The following PRKCB variants were observed in gnomAD, a reference collection of about 807,000 sequenced individuals.
PRKCB encodes protein kinase C beta.
PRKCB carries 13 observed loss-of-function variants against 81.5 expected under a neutral mutation model. That is an observed-to-expected ratio of 0.16 (90% confidence interval 0.10 to 0.25). The LOEUF (loss-of-function observed/expected upper bound fraction) is 0.25, where lower values mean the gene tolerates loss of function less well. Among genes scored for constraint, PRKCB ranks in the 10% least tolerant of loss-of-function variants. The pLI, the probability that PRKCB is intolerant of heterozygous loss-of-function variation, is 1.00. For synonymous variants in PRKCB, 335 were observed against 321.4 expected, an observed-to-expected ratio of 1.04 and a Z score of -0.45; for missense variants, 509 against 875.7, an observed-to-expected ratio of 0.58 and a Z score of 5.29.
chr16:23,880,826 GTC>G (rs1313093467), intron 2 of PRKCB, among the ~76,000 whole-genome samples: 1 of 151,954 alleles, frequency 6.6e-6, no homozygotes, highest in Non-Finnish European at 1.5e-5. Flanking sequence ...ATCTACCCAT[GTC>G]TCTCTGTCTC....
chr16:23,900,579 T>G (rs957845504), intron 2 of PRKCB, among the ~76,000 whole-genome samples: 1 of 151,328 alleles, frequency 6.6e-6, no homozygotes, highest in Non-Finnish European at 1.5e-5. Context: ...ATTCCGCATA[T>G]GAACCTTATA....
At chr16:23,948,291 C>A (rs1420020516) in intron 2 of PRKCB, among the ~76,000 whole-genome samples, 1 of 152,178 alleles carries the variant, frequency 6.6e-6, no homozygotes, top group Non-Finnish European at 1.5e-5. Flanking sequence ...TAATTGGATT[C>A]TCAGGGCCTC....
chr16:23,986,044 C>T (rs951094274), intron 2 of PRKCB, among the ~76,000 whole-genome samples: 2 of 152,108 alleles, frequency 1.3e-5, no homozygotes, highest in African/African-American at 4.8e-5. Context: ...TCCCATTTCA[C>T]ATCAGATTCC....
At chr16:24,026,440 A>G (rs1197679181) in intron 3 of PRKCB, among the ~76,000 whole-genome samples, 1 of 152,230 alleles carries the variant, frequency 6.6e-6, no homozygotes, top group African/African-American at 2.4e-5. Context: ...GAAATGCTTG[A>G]ATCCTTGTCT....
At chr16:24,101,530 C>A (rs974711028) in intron 7 of PRKCB, among the ~76,000 whole-genome samples, 2 of 152,176 alleles carry the variant, frequency 1.3e-5, no homozygotes, top group Admixed American at 6.5e-5. Flanking sequence ...TGGAGAAAGA[C>A]CCTGTCTCAA....
At chr16:24,051,542 C>T (rs1965842142) in intron 5 of PRKCB, among the ~76,000 whole-genome samples, 1 of 151,948 alleles carries the variant, frequency 6.6e-6, no homozygotes, top group Non-Finnish European at 1.5e-5. Context: ...ACAGTTTCTC[C>T]AGGGTCAGCA....
intron 2 of PRKCB, among the ~76,000 whole-genome samples, chr16:23,863,066 CAT>C (rs201723507): frequency 0.015 from 2,193 of 147,790 alleles, 45 homozygotes; most frequent in African/African-American, 0.052. Flanking sequence ...TTTTTAAAAT[CAT>C]ATATATATGA....
At chr16:24,038,446 A>G (rs1342650721) in intron 5 of PRKCB, among the ~76,000 whole-genome samples, 1 of 152,266 alleles carries the variant, frequency 6.6e-6, no homozygotes, top group African/African-American at 2.4e-5. Flanking sequence ...GGGAAAGGGC[A>G]CGTTGTTGCC....
chr16:24,050,336 T>A (rs1244376331), intron 5 of PRKCB, among the ~76,000 whole-genome samples: 1 of 152,190 alleles, frequency 6.6e-6, no homozygotes, highest in Non-Finnish European at 1.5e-5. Context: ...AGTAGCTTCC[T>A]TATAAAGCAG....
Position 24,077,493 on chromosome 16 carries a change from C to T in PRKCB, c.530-15298C>T, listed in dbSNP as rs1054284817. On this transcript the variant is annotated intron_variant, in intron 5 of 16. Coordinates refer to ENST00000643927, the MANE Select transcript of PRKCB (RefSeq NM_002738.7). ...TCCACACATGCATTCATCTCTCCAT[C>T]CATCCATCCATCCATCCATCCATCC... Among the ~76,000 whole-genome samples, 62 of 151,696 alleles carry T rather than the reference C, an allele frequency of 4.1e-4. No individual in the cohort carries two copies. In the Middle Eastern group the frequency reaches 0.014, roughly 33 times the overall value.
intron 3 of PRKCB, among the ~76,000 whole-genome samples, chr16:23,992,386 A>G (rs1465208823): frequency 6.6e-6 from 1 of 152,188 alleles, no homozygotes; most frequent in Non-Finnish European, 1.5e-5. Flanking sequence ...CCCTATTTCT[A>G]GTAGTAAAGA....
Position 24,021,072 on chromosome 16 carries a change from C to CTTCT in PRKCB, c.289-11049_289-11046dup, listed in dbSNP as rs1555491074. ...TTTCTTTCTTTCCCTCCCTCCCTCC[C>CTTCT]TTCTTTCTTTCTTTCTTTTTTTCTT... On this transcript the variant is annotated intron_variant, in intron 3 of 16. Coordinates refer to ENST00000643927, the MANE Select transcript of PRKCB (RefSeq NM_002738.7). Among the ~76,000 whole-genome samples the CTTCT allele has an allele frequency of 4.8e-3, 456 of 94,472 alleles. 21 individuals carry two copies. Among genetic ancestry groups the CTTCT allele is most frequent in the African/African-American group, 0.018 (430 of 23,474 alleles). The allele number at this position is 94,472 out of a possible 152,430, so 62.0% of individuals were successfully genotyped here. A position where few individuals can be genotyped will look rare whatever the true frequency, so the allele number is the denominator to read the frequency against.
Position 24,003,827 on chromosome 16 carries a change from G to A in PRKCB, c.288+15237G>A, listed in dbSNP as rs115702628. Among the ~76,000 whole-genome samples the A allele has an allele frequency of 3.1e-3, 473 of 152,272 alleles. 4 individuals are homozygous for A. The highest frequency in any genetic ancestry group is 0.011 in the African/African-American group (446 of 41,542). On this transcript the variant is annotated intron_variant, in intron 3 of 16. Transcript: ENST00000643927. ...AGGAGCAGTGTATGTTATAAGAAGA[G>A]TGAAGGAGAAACTTTGATGCGCTGA...
intron 3 of PRKCB, among the ~76,000 whole-genome samples, chr16:24,016,226 C>G (rs937501798): frequency 6.6e-6 from 1 of 152,132 alleles, no homozygotes; most frequent in African/African-American, 2.4e-5. Context: ...TTTTAACCAA[C>G]GTTTTGAGAA....
chr16:24,205,024 G>A (rs937109739), intron 16 of PRKCB, among the ~76,000 whole-genome samples: 1 of 151,808 alleles, frequency 6.6e-6, no homozygotes, highest in Non-Finnish European at 1.5e-5. Flanking sequence ...GGAGGCTGAG[G>A]CAGGAGAATC....
chr16:24,021,012 C>CTT (rs1440420135), intron 3 of PRKCB, among the ~76,000 whole-genome samples: 8 of 141,532 alleles, frequency 5.7e-5, no homozygotes, highest in African/African-American at 8.2e-5. Context: ...TTCTTTCTTT[C>CTT]TTTCTTTCTT....
chr16:24,218,340 A>T lies in PRKCB; in HGVS notation c.*3524A>T. On this transcript the variant is annotated 3_prime_UTR_variant, in exon 17 of 17. Transcript: ENST00000643927. Reference sequence around the variant, plus strand: ...AAGTAACATGCCGAGCGCCTGGGGGATGGAAACTCCTATAGCACCCCACAG... The same window carrying T: ...AAGTAACATGCCGAGCGCCTGGGGGTTGGAAACTCCTATAGCACCCCACAG... 1.0e-6 allele frequency: 1 copy of T among 985,206 alleles called. No individual in the cohort carries two copies. The highest frequency in any genetic ancestry group is 1.2e-6 in the Non-Finnish European group (1 of 829,914). 61.0% of individuals were successfully genotyped at this position (985,206 alleles called of 1,614,324 possible). A position where few individuals can be genotyped will look rare whatever the true frequency, so the allele number is the denominator to read the frequency against.
chr16:24,048,638 C>T (rs1453696285), intron 5 of PRKCB, among the ~76,000 whole-genome samples: 3 of 152,014 alleles, frequency 2.0e-5, no homozygotes, highest in Non-Finnish European at 4.4e-5. Flanking sequence ...TACAGGCATG[C>T]GCCACCATGC....
At chr16:24,054,375 T>C (rs1965880204) in intron 5 of PRKCB, among the ~76,000 whole-genome samples, 1 of 152,230 alleles carries the variant, frequency 6.6e-6, no homozygotes, top group African/African-American at 2.4e-5. Flanking sequence ...ATGCATGATA[T>C]CATTTACTCC....
Sources: allele counts gnomAD v4.1 joint callset (sites outside exome capture counted in the v4.1 genomes callset), GRCh38; gene constraint gnomAD v4.1.1; transcripts MANE v1.5; gene names NCBI Gene and HGNC (gene_info 2026-07-23, HGNC 2026-07-21).